KIF19: variants seen among roughly 807,000 people sequenced by gnomAD.
KIF19 encodes kinesin family member 19, also known as kinesin-like protein KIF19.
KIF19 carries 98 observed loss-of-function variants against 106.6 expected under a neutral mutation model. The observed-to-expected ratio is 0.92, with a 90% CI of 0.78 to 1.09. KIF19 has a LOEUF of 1.09. Among genes scored for constraint, KIF19 ranks in the 50% least tolerant of loss-of-function variants. KIF19 has a pLI of 0.00. For synonymous variants in KIF19, 516 were observed against 584.2 expected, an observed-to-expected ratio of 0.88 and a Z score of 1.68; for missense variants, 1,373 against 1,414.3, an observed-to-expected ratio of 0.97 and a Z score of 0.47.
At chr17:74,330,759 C>T (rs561743442) in intron 2 of KIF19, among the ~76,000 whole-genome samples, 9 of 152,228 alleles carry the variant, frequency 5.9e-5, no homozygotes, top group Non-Finnish European at 8.8e-5. Flanking sequence ...CCAAGATACG[C>T]CTCCACTGCC....
chr17:74,354,606 T>C (rs557745591), intron 18 of KIF19, 47 bp downstream of exon 18: 2 of 1,556,252 alleles, frequency 1.3e-6, no homozygotes, highest in Admixed American at 1.9e-5. Context: ...CCATAGCAGC[T>C]GGAGGCCTGA....
At chr17:74,345,584 T>C (rs1282807847) in intron 7 of KIF19, among the ~76,000 whole-genome samples, 2 of 152,162 alleles carry the variant, frequency 1.3e-5, no homozygotes, top group Admixed American at 6.5e-5. Context: ...GGTGTAGGTC[T>C]GGGCTCCCTC....
chr17:74,348,959 G>A (rs966351003), intron 9 of KIF19: 28 of 563,278 alleles, frequency 5.0e-5, no homozygotes, highest in African/African-American at 7.7e-5. Context: ...CTTCAACAAC[G>A]GGTGGAGGAA....
At chr17:74,337,290 C>G (rs2054242641) in intron 2 of KIF19, among the ~76,000 whole-genome samples, 1 of 144,216 alleles carries the variant, frequency 6.9e-6, no homozygotes, top group Non-Finnish European at 1.5e-5. Context: ...GAGGGAGGCT[C>G]AGAGGATGTA....
intron 2 of KIF19, among the ~76,000 whole-genome samples, chr17:74,332,210 T>TTG (rs71157056): frequency 1.0e-4 from 11 of 108,848 alleles, no homozygotes; most frequent in South Asian, 3.3e-4. Context: ...GTGTGTGTGT[T>TTG]TGTGTGTGTG....
Position 74,350,585 on chromosome 17 carries a change from C to T in KIF19, c.1388+10C>T, listed in dbSNP as rs750301335. 2.5e-6 allele frequency: 4 copies of T among 1,612,008 alleles called. No individual in the cohort carries two copies. The highest frequency in any genetic ancestry group is 3.4e-6 in the Non-Finnish European group (4 of 1,179,278). On this transcript the variant is annotated intron_variant, in intron 11 of 19. Transcript: ENST00000389916. ...TGCTCACCATCGCCGGGTAAGCCCC[C>T]CTCCCAGGACCCTCCAGGCCCCACC...
rs200837156 is a variant in KIF19, at chr17:74,354,533, C to T, written c.2680C>T (p.Arg894Ter). Reference protein sequence around the residue: ...LEAKRRKRRSRSFEVTGQGLS... With the variant: ...LEAKRRKRRS ...GGCAAAGAGAAGGAAGCGGAGGTCC[C>T]GATCCTTCGAGGTCACCGGGCAAGG... Residue 894 changes from arginine to a stop codon, truncating the protein, a stop_gained, in exon 18 of 20, where the codon CGA becomes TGA. Transcript: ENST00000389916. LOFTEE classifies it high-confidence loss of function. The T allele has an allele frequency of 3.5e-4, 554 of 1,599,256 alleles. 3 individuals are homozygous for T. Among genetic ancestry groups the T allele is most frequent in the South Asian group, 4.7e-4 (42 of 88,610 alleles).
At position 74,350,848 on chromosome 17, in the gene KIF19, A is replaced by G. The variant is rs770560761; in HGVS notation, c.1530A>G (p.Ala510=). The change falls in exon 12 of 20, where the codon GCA becomes GCG. Residue 510 remains alanine (A), a synonymous_variant. Coordinates refer to ENST00000389916, the MANE Select transcript of KIF19 (RefSeq NM_153209.4). The part of the protein sequence containing the change: ...PDILEPPEVA[A]ARESIAALVD... Reference sequence around the variant, plus strand: ...TCCTGGAGCCACCCGAGGTGGCCGCAGCCCGGGAGAGCATTGCAGCCCTGG... The same window carrying G: ...TCCTGGAGCCACCCGAGGTGGCCGCGGCCCGGGAGAGCATTGCAGCCCTGG... The G allele has an allele frequency of 3.3e-5, 53 of 1,613,926 alleles. No individual in the cohort carries two copies. The highest frequency in any genetic ancestry group is 4.3e-5 in the Non-Finnish European group (51 of 1,179,914).
chr17:74,349,384 T>C (rs1598394600), intron 10 of KIF19, 35 bp downstream of exon 10: 1 of 1,547,008 alleles, frequency 6.5e-7, no homozygotes, highest in Non-Finnish European at 8.7e-7. Context: ...GGCAGCCCCC[T>C]CCGGCCAGCC....
intron 2 of KIF19, among the ~76,000 whole-genome samples, chr17:74,336,919 A>G (rs2054231766): frequency 6.6e-6 from 1 of 152,036 alleles, no homozygotes; most frequent in Admixed American, 6.5e-5. Flanking sequence ...TCTGCCTCTC[A>G]GGTTTAAGTG....
In KIF19 at chr17:74,326,364, G is replaced by A. The variant is rs1320353460; in HGVS notation, c.15G>A (p.Gly5=). 12 of 1,612,650 alleles carry A rather than the reference G, an allele frequency of 7.4e-6. No individual in the cohort carries two copies. The highest frequency in any genetic ancestry group is 1.0e-5 in the Non-Finnish European group (12 of 1,179,526). Residue 5 remains glycine (G), a synonymous_variant, in exon 1 of 20, where the codon GGG becomes GGA. Transcript: ENST00000389916. Reference sequence around the variant, plus strand: ...CTGCTGCAATCATGAAGGACAGCGGGGACTCCAAGGACCAGCAACTCATGG... The same window carrying A: ...CTGCTGCAATCATGAAGGACAGCGGAGACTCCAAGGACCAGCAACTCATGG... The part of the protein sequence containing the change: MKDS[G]DSKDQQLMVA...
At chr17:74,328,199 C>T (rs1340603973) in intron 1 of KIF19, among the ~76,000 whole-genome samples, 2 of 150,274 alleles carry the variant, frequency 1.3e-5, no homozygotes, top group Non-Finnish European at 2.9e-5. Context: ...CAGCTCTCTC[C>T]CCTGGGGCTC....
chr17:74,353,170 C>G, intron 15 of KIF19, 26 bp from the exon 16 acceptor site: 1 of 1,543,436 alleles, frequency 6.5e-7, no homozygotes, highest in Non-Finnish European at 8.8e-7. Flanking sequence ...GGTCTACAGC[C>G]ACTCATCTTC....
Position 74,354,451 on chromosome 17 carries a change from G to T in KIF19, c.2598G>T (p.Arg866Ser). 6.2e-7 allele frequency: 1 copy of T among 1,610,180 alleles called. No individual in the cohort carries two copies. Among genetic ancestry groups the T allele is most frequent in the Non-Finnish European group, 8.5e-7 (1 of 1,178,746 alleles). Residue 866 changes from arginine to serine, a missense_variant, in exon 18 of 20, where the codon AGG (arginine) becomes AGT (serine). By Grantham distance (110) the Arg-to-Ser change is moderately radical (BLOSUM62 -1). Around this residue, in one of 3 missense-constraint regions of KIF19, gnomAD observed 1,020 missense variants for 1,008.2 expected, o/e 1.01. Transcript: ENST00000389916. ...TCGGACATCATGGGGACGGCCCCAG[G>T]CCCTGGCTGCGTGGCCAGAAGAAAA... Reference protein sequence around the residue: ...RAVGHHGDGPRPWLRGQKKSL... With the variant: ...RAVGHHGDGPSPWLRGQKKSL...
At chr17:74,349,714 A>G (rs945040011) in intron 10 of KIF19, among the ~76,000 whole-genome samples, 2 of 152,204 alleles carry the variant, frequency 1.3e-5, no homozygotes, top group African/African-American at 4.8e-5. Flanking sequence ...GTAGACCTGC[A>G]TATTTGCTAT....
rs2054628140 is a variant in KIF19 at position 74,349,381 on chromosome 17, C to T, written c.1213+32C>T. The T allele has an allele frequency of 5.2e-6, 8 of 1,551,640 alleles. No individual in the cohort carries two copies. The East Asian group carries it at 1.6e-4, about 31-fold the overall frequency. Reference sequence around the variant, plus strand: ...CTGTGGGTCTGTGTGAGTGGCAGCCCCCTCCGGCCAGCCTCACGTTGCTCT... The same window carrying T: ...CTGTGGGTCTGTGTGAGTGGCAGCCTCCTCCGGCCAGCCTCACGTTGCTCT... On this transcript the variant is annotated intron_variant, in intron 10 of 19. Transcript: ENST00000389916.
chr17:74,331,151 C>G lies in KIF19; in HGVS notation c.120+2646C>G, dbSNP rs2054068505. 6.6e-6 allele frequency among the ~76,000 whole-genome samples: 1 copy of G among 152,142 alleles called. No homozygotes were observed. The highest frequency in any genetic ancestry group is 2.4e-5 in the African/African-American group (1 of 41,426). ...TCCCCGACCTGACCAGTTCCCCCAC[C>G]TCCTGACCTTCACCTGACCCTAGTG... On this transcript the variant is annotated intron_variant, in intron 2 of 19. Coordinates refer to ENST00000389916, the MANE Select transcript of KIF19 (RefSeq NM_153209.4). The surrounding 1 kb of genome is among the most constrained non-coding windows in gnomAD (Gnocchi z 4.1).
rs753879630 is a variant in KIF19 at position 74,354,228 on chromosome 17, C to T, written c.2375C>T (p.Ala792Val). 6.2e-7 allele frequency: 1 copy of T among 1,608,810 alleles called. No individual in the cohort carries two copies. The highest frequency in any genetic ancestry group is 1.1e-5 in the South Asian group (1 of 90,992). The change falls in exon 18 of 20, where the codon GCC (alanine) becomes GTC (valine). Residue 792 changes from alanine (A) to valine (V), a missense_variant. Coordinates refer to ENST00000389916, the MANE Select transcript of KIF19 (RefSeq NM_153209.4). ...AAGGCCGCCCGGCGGCGCTCGCGGG[C>T]CCTGGGAACCGAGGGGCGACACCTG... ...WVKAARRRSR[A>V]LGTEGRHLLA...
chr17:74,352,201 C>T lies in KIF19; in HGVS notation c.1859-18C>T. 1 of 1,607,278 alleles carries T rather than the reference C, an allele frequency of 6.2e-7. No individual in the cohort carries two copies. The highest frequency in any genetic ancestry group is 8.5e-7 in the Non-Finnish European group (1 of 1,176,328). On this transcript the variant is annotated intron_variant, in intron 13 of 19. Transcript: ENST00000389916. ...GGGGGCCGCTGGCACTCACTGAGCC[C>T]TGCCCCTTCCCCAGCAGACTACAAC...
Sources: gnomAD v4.1 joint callset for allele counts (sites outside exome capture counted in the v4.1 genomes callset) on GRCh38, gnomAD v4.1.1 for gene constraint, gnomAD v4.1.1 regional missense constraint, Gnocchi (gnomAD v3.1) non-coding constraint, MANE v1.5 for transcripts, NCBI Gene and HGNC (gene_info 2026-07-23, HGNC 2026-07-21) for gene names.